Variants in RSU1 observed in about 807,000 individuals in gnomAD.
The protein encoded by RSU1 is rsu-1.
Under a neutral mutation model 31.1 loss-of-function variants are expected in RSU1, and 26 were observed. The ratio of observed to expected loss-of-function variants is 0.84; its 90% CI spans 0.61 to 1.16. The LOEUF (loss-of-function observed/expected upper bound fraction) is 1.16. RSU1 is among the 50% of genes most tolerant of loss of function. The pLI is 0.00. For missense variants in RSU1, 320 were observed against 339.1 expected (o/e 0.94, Z 0.44); for synonymous variants, 164 against 136.3 (o/e 1.20, Z -1.41).
In RSU1 at chr10:16,671,908, G is replaced by A. The variant is rs562993186; in HGVS notation, c.731+23115C>T. ...CCCAAAGTGCTGGGATTACAGGCAT[G>A]AGCCACCATGCCCGGCTGGCTCAAA... On this transcript the variant is annotated intron_variant, in intron 8 of 8. Coordinates refer to ENST00000345264, the MANE Select transcript of RSU1 (RefSeq NM_012425.4). Among the ~76,000 whole-genome samples, 7 of 151,602 alleles carry A rather than the reference G, an allele frequency of 4.6e-5. No homozygotes were observed. The East Asian group carries it at 9.9e-4, about 21-fold the overall frequency.
chr10:16,694,537 A>G (rs1203026070), intron 8 of RSU1, among the ~76,000 whole-genome samples: 3 of 152,144 alleles, frequency 2.0e-5, no homozygotes, highest in Non-Finnish European at 4.4e-5. Flanking sequence ...ATAAAAAACA[A>G]TTTACAAATA....
rs1273033730 is a variant in RSU1 at position 16,590,798 on chromosome 10, C to A, written c.*2596G>T. ...ATTTAATTTTTATGCACACGTATTA[C>A]AAACAAGCTTCCTTTTGACACAGCT... On this transcript the variant is annotated 3_prime_UTR_variant, in exon 9 of 9. Transcript: ENST00000345264. 1 of 152,314 alleles carries A rather than the reference C, an allele frequency of 6.6e-6. No homozygotes were observed. Among genetic ancestry groups the A allele is most frequent in the Admixed American group, 6.5e-5 (1 of 15,298 alleles). 9.4% of individuals were successfully genotyped at this position (152,314 alleles called of 1,614,324 possible).
At chr10:16,782,500 G>A (rs1310113695) in intron 2 of RSU1, among the ~76,000 whole-genome samples, 6 of 152,166 alleles carry the variant, frequency 3.9e-5, no homozygotes, top group Admixed American at 2.0e-4. Flanking sequence ...TATTTTTGAA[G>A]CCACTTCATC....
intron 8 of RSU1, among the ~76,000 whole-genome samples, chr10:16,658,166 TTG>T (rs1834825372): frequency 6.6e-6 from 1 of 152,184 alleles, no homozygotes; most frequent in African/African-American, 2.4e-5. Flanking sequence ...ACTACATATT[TTG>T]TGTTTTAATT....
intron 7 of RSU1, among the ~76,000 whole-genome samples, chr10:16,736,905 C>T (rs1836639362): frequency 1.3e-5 from 2 of 149,910 alleles, no homozygotes; most frequent in East Asian, 2.0e-4. Flanking sequence ...ACATCTGAAA[C>T]AATAAATCTT....
intron 7 of RSU1, among the ~76,000 whole-genome samples, chr10:16,713,839 A>G (rs1448958434): frequency 6.6e-6 from 1 of 152,004 alleles, no homozygotes; most frequent in Non-Finnish European, 1.5e-5. Flanking sequence ...TTTCATTAGG[A>G]GATAATTCTT....
intron 8 of RSU1, among the ~76,000 whole-genome samples, chr10:16,658,058 C>T (rs537057639): frequency 5.3e-5 from 8 of 152,218 alleles, no homozygotes; most frequent in East Asian, 1.9e-4. Context: ...CTTGATGCCC[C>T]GGGGGATTCT....
chr10:16,777,430 C>CA (rs1266020543), intron 3 of RSU1, among the ~76,000 whole-genome samples: 3 of 152,036 alleles, frequency 2.0e-5, no homozygotes, highest in Non-Finnish European at 4.4e-5. Flanking sequence ...GGTAGGAGAA[C>CA]AAAAAACACA....
intron 8 of RSU1, among the ~76,000 whole-genome samples, chr10:16,653,238 A>G (rs1245586362): frequency 1.2e-4 from 19 of 152,222 alleles, no homozygotes; most frequent in Admixed American, 1.2e-3. Flanking sequence ...TCTGTGTTAC[A>G]ACAGGCTATT....
intron 7 of RSU1, among the ~76,000 whole-genome samples, chr10:16,697,057 C>T (rs968937032): frequency 3.0e-4 from 46 of 151,994 alleles, no homozygotes; most frequent in Admixed American, 1.5e-3. Flanking sequence ...AGAAGCCATC[C>T]CTTTAAAAAC....
chr10:16,817,229 G>T, intron 1 of RSU1, 86 bp downstream of exon 1: 1 of 633,770 alleles, frequency 1.6e-6, no homozygotes, highest in East Asian at 2.8e-5. Context: ...GTCCGGGTGC[G>T]GGGAGGGGAT....
intron 2 of RSU1, among the ~76,000 whole-genome samples, chr10:16,795,214 T>C (rs955713473): frequency 6.6e-6 from 1 of 151,398 alleles, no homozygotes; most frequent in Non-Finnish European, 1.5e-5. Context: ...ATTAGCCAAG[T>C]GTGATGGTGG....
intron 3 of RSU1, among the ~76,000 whole-genome samples, chr10:16,767,848 G>A (rs1186392477): frequency 1.3e-5 from 2 of 152,092 alleles, no homozygotes; most frequent in African/African-American, 4.8e-5. Flanking sequence ...CCTAGTGCTT[G>A]GAAAATAAAC....
chr10:16,788,613 G>A (rs1192007980), intron 2 of RSU1, among the ~76,000 whole-genome samples: 1 of 152,168 alleles, frequency 6.6e-6, no homozygotes, highest in African/African-American at 2.4e-5. Flanking sequence ...TGTTGTTTAA[G>A]TAACCCAGTC....
intron 8 of RSU1, among the ~76,000 whole-genome samples, chr10:16,614,493 TTAAAAA>T (rs1199295328): frequency 1.3e-5 from 2 of 152,164 alleles, no homozygotes; most frequent in Admixed American, 6.5e-5. Flanking sequence ...TAATTTACAC[TTAAAAA>T]TAAGAGTATC....
chr10:16,680,032 C>T (rs933943048), intron 8 of RSU1, among the ~76,000 whole-genome samples: 2 of 151,974 alleles, frequency 1.3e-5, no homozygotes, highest in Non-Finnish European at 2.9e-5. Flanking sequence ...CAGACGTGCA[C>T]CACCATGCCT....
chr10:16,697,530 G>T (rs1280495060), intron 7 of RSU1, among the ~76,000 whole-genome samples: 2 of 152,046 alleles, frequency 1.3e-5, no homozygotes, highest in African/African-American at 2.4e-5. Context: ...CAGGCACAGT[G>T]GTGCGCACCT....
chr10:16,672,749 T>C (rs1459824830), intron 8 of RSU1, among the ~76,000 whole-genome samples: 3 of 152,094 alleles, frequency 2.0e-5, no homozygotes, highest in African/African-American at 7.2e-5. Flanking sequence ...AAATGAGAAA[T>C]ATGGTTTATA....
intron 8 of RSU1, among the ~76,000 whole-genome samples, chr10:16,666,749 A>G: frequency 6.6e-6 from 1 of 152,110 alleles, no homozygotes; most frequent in East Asian, 1.9e-4. Context: ...GCACTTTGGG[A>G]GGCTAAGGTG....
Sources: allele counts gnomAD v4.1 joint callset (sites outside exome capture counted in the v4.1 genomes callset), GRCh38; gene constraint gnomAD v4.1.1; transcripts MANE v1.5; gene names NCBI Gene and HGNC (gene_info 2026-07-23, HGNC 2026-07-21).